The following TRAM1 variants were observed in gnomAD, a reference collection of about 807,000 sequenced individuals.
TRAM1 encodes translocating chain-associated membrane protein 1.
In TRAM1, 17 loss-of-function variants were observed where a neutral mutation model predicts 48.7. The ratio of observed to expected loss-of-function variants is 0.35; its 90% CI spans 0.24 to 0.52. The LOEUF is 0.52. Among genes scored for constraint, TRAM1 ranks in the 20% least tolerant of loss-of-function variants. The probability of loss-of-function intolerance (pLI) is 0.94; values close to 1 mark genes in which losing one functional copy is unlikely to be tolerated. For missense variants in TRAM1, 351 were observed against 441.5 expected (o/e 0.79, Z 1.84); for synonymous variants, 182 against 154.0 (o/e 1.18, Z -1.34).
chr8:70,574,946 C>G lies in TRAM1; in HGVS notation c.1111G>C (p.Glu371Gln). The change falls in exon 11 of 11, where the codon GAG (glutamate) becomes CAG (glutamine). Residue 371 changes from glutamate (E) to glutamine (Q), a missense_variant. Transcript: ENST00000262213. ...NVADSPRNKK[E>Q]KSS ...TTTATAATTCATTATGAAGATTTCT[C>G]TTTTTTATTCCGGGGAGAGTCTGCT... The G allele has an allele frequency of 6.2e-7, 1 of 1,608,204 alleles. No individual in the cohort carries two copies. Among genetic ancestry groups the G allele is most frequent in the South Asian group, 1.1e-5 (1 of 90,552 alleles).
chr8:70,595,524 C>T (rs943870039), intron 5 of TRAM1, among the ~76,000 whole-genome samples: 2 of 152,042 alleles, frequency 1.3e-5, no homozygotes, highest in Admixed American at 1.3e-4. Context: ...GTGTAGGTGA[C>T]AAGCACTTGC....
chr8:70,597,651 A>G (rs1254143387), intron 4 of TRAM1, among the ~76,000 whole-genome samples: 1 of 129,758 alleles, frequency 7.7e-6, no homozygotes, highest in Non-Finnish European at 1.6e-5. Flanking sequence ...GCCTGGAGAC[A>G]GAGCGAGACT....
chr8:70,582,819 G>C (rs1708245250), intron 10 of TRAM1, among the ~76,000 whole-genome samples: 1 of 152,132 alleles, frequency 6.6e-6, no homozygotes, highest in African/African-American at 2.4e-5. Context: ...GTTGTGAAGA[G>C]CTTTTTAAAA....
intron 2 of TRAM1, among the ~76,000 whole-genome samples, chr8:70,598,798 C>T (rs1202985645): frequency 6.6e-6 from 1 of 152,196 alleles, no homozygotes; most frequent in Non-Finnish European, 1.5e-5. Context: ...TTATCAAATA[C>T]TTGTGAATTG....
chr8:70,586,209 T>C (rs1176309014), intron 8 of TRAM1, among the ~76,000 whole-genome samples: 34 of 135,652 alleles, frequency 2.5e-4, no homozygotes, highest in African/African-American at 9.6e-4. Context: ...CACTCATAGG[T>C]GGGAACTGAA....
chr8:70,583,694 C>T lies in TRAM1; in HGVS notation c.846G>A (p.Gln282=). The T allele has an allele frequency of 6.2e-7, 1 of 1,613,232 alleles. No individual in the cohort carries two copies. Among genetic ancestry groups the T allele is most frequent in the South Asian group, 1.1e-5 (1 of 90,946 alleles). The change falls in exon 9 of 11, where the codon CAG becomes CAA. Residue 282 remains glutamine, a synonymous_variant. Transcript: ENST00000262213. ...VGFGLARAEN[Q]KLDFSTGNFN... is the part of the protein sequence containing the mutation. ...AGTTTCCAGTACTGAAATCCAGCTT[C>T]TGATTTTCTGCTCTTGCAAGGCCAA...
At chr8:70,582,406 T>C (rs2132026817) in intron 10 of TRAM1, among the ~76,000 whole-genome samples, 1 of 151,410 alleles carries the variant, frequency 6.6e-6, no homozygotes, top group Admixed American at 6.6e-5. Flanking sequence ...GTGATCCTCC[T>C]GCCTCAGCCT....
chr8:70,590,514 G>A (rs1055686087), intron 6 of TRAM1, among the ~76,000 whole-genome samples: 1 of 152,090 alleles, frequency 6.6e-6, no homozygotes, highest in African/African-American at 2.4e-5. Flanking sequence ...TAGAAACATG[G>A]TCTCACTATG....
chr8:70,607,900 A>T, intron 1 of TRAM1, 177 bp downstream of exon 1: 1 of 681,484 alleles, frequency 1.5e-6, no homozygotes, highest in Non-Finnish European at 2.1e-6. Flanking sequence ...GCCGCCGGGG[A>T]GCTGCCGCCG....
intron 10 of TRAM1, among the ~76,000 whole-genome samples, chr8:70,579,770 C>T (rs1207567627): frequency 6.6e-6 from 1 of 152,160 alleles, no homozygotes; most frequent in Non-Finnish European, 1.5e-5. Flanking sequence ...CGAAAGGTCT[C>T]CCTCTTATAT....
At chr8:70,592,022 C>T (rs1817376860) in intron 6 of TRAM1, among the ~76,000 whole-genome samples, 1 of 152,080 alleles carries the variant, frequency 6.6e-6, no homozygotes, top group South Asian at 2.1e-4. Flanking sequence ...GGGGAAAATA[C>T]TATTTCTAAT....
At chr8:70,592,459 A>G (rs1586759566) in intron 6 of TRAM1, among the ~76,000 whole-genome samples, 1 of 152,246 alleles carries the variant, frequency 6.6e-6, no homozygotes, top group Non-Finnish European at 1.5e-5. Flanking sequence ...TACTTGAAAC[A>G]GTTACTTTCA....
At chr8:70,577,199 C>A (rs1207206799) in intron 10 of TRAM1, among the ~76,000 whole-genome samples, 1 of 152,160 alleles carries the variant, frequency 6.6e-6, no homozygotes, top group African/African-American at 2.4e-5. Flanking sequence ...GGGCTGAGGG[C>A]AGCTTGGTGT....
At chr8:70,577,196 G>A (rs1293604439) in intron 10 of TRAM1, among the ~76,000 whole-genome samples, 1 of 152,184 alleles carries the variant, frequency 6.6e-6, no homozygotes, top group Non-Finnish European at 1.5e-5. Context: ...GGGGGGCTGA[G>A]GGCAGCTTGG....
chr8:70,608,236 C>G lies in TRAM1; in HGVS notation c.-37G>C, dbSNP rs1156791681. ...CGCCCGCGCCTGCAGGTGCTCCGCC[C>G]CGGTTCTGCTCTTCCCAGCTGCTCA... On this transcript the variant is annotated 5_prime_UTR_variant, in exon 1 of 11. Transcript: ENST00000262213. The G allele has an allele frequency of 6.4e-7, 1 of 1,566,218 alleles. No homozygotes were observed. Among genetic ancestry groups the G allele is most frequent in the Non-Finnish European group, 8.6e-7 (1 of 1,161,010 alleles).
At chr8:70,586,271 T>G (rs1223030798) in intron 8 of TRAM1, among the ~76,000 whole-genome samples, 3 of 9,974 alleles carry the variant, frequency 3.0e-4, no homozygotes, top group Admixed American at 6.5e-4. Context: ...TGGGGACTGT[T>G]GTGGGGTGGG....
intron 5 of TRAM1, among the ~76,000 whole-genome samples, chr8:70,595,798 G>T (rs1006880803): frequency 6.6e-6 from 1 of 152,196 alleles, no homozygotes; most frequent in Non-Finnish European, 1.5e-5. Context: ...TTATTCAGAC[G>T]TCTTGGTAAC....
In TRAM1 at chr8:70,583,786, G is replaced by A. The variant is rs761502136; in HGVS notation, c.754C>T (p.Leu252=). ...SNEKYQKGFS[L]WAVLFVLGRL... is the part of the protein sequence containing the mutation. ...CCCAAAACAAAAAGAACTGCCCACAGAGAAAATCTGCAAGAAAAAGGCCGT... is the reference window on the plus strand; with the variant it reads ...CCCAAAACAAAAAGAACTGCCCACAAAGAAAATCTGCAAGAAAAAGGCCGT... The change falls in exon 9 of 11, where the codon CTG becomes TTG. Residue 252 remains leucine, a synonymous_variant. Coordinates refer to ENST00000262213, the MANE Select transcript of TRAM1 (RefSeq NM_014294.6). 1.3e-6 allele frequency: 2 copies of A among 1,535,518 alleles called. No individual in the cohort carries two copies. The highest frequency in any genetic ancestry group is 2.9e-5 in the African/African-American group (2 of 69,930).
At chr8:70,582,734 A>G (rs1817107904) in intron 10 of TRAM1, among the ~76,000 whole-genome samples, 1 of 152,204 alleles carries the variant, frequency 6.6e-6, no homozygotes, top group African/African-American at 2.4e-5. Flanking sequence ...AAGGCTTTAA[A>G]GACAAAGAAT....
Sources: allele counts gnomAD v4.1 joint callset (sites outside exome capture counted in the v4.1 genomes callset), GRCh38; gene constraint gnomAD v4.1.1; transcripts MANE v1.5; gene names NCBI Gene and HGNC (gene_info 2026-07-23, HGNC 2026-07-21).